Variants in HS3ST5 observed in about 807,000 individuals in gnomAD.
HS3ST5 encodes the protein heparan sulfate glucosamine 3-O-sulfotransferase 5.
Under a neutral mutation model 25.4 loss-of-function variants are expected in HS3ST5, and 10 were observed. That is an observed-to-expected ratio of 0.39 (90% CI 0.24 to 0.67). The LOEUF (loss-of-function observed/expected upper bound fraction) is 0.67, where lower values mean the gene tolerates loss of function less well. Ranked by LOEUF, HS3ST5 falls within the 30% of genes least tolerant of loss-of-function variation. HS3ST5 has a pLI of 0.44. For missense variants in HS3ST5, 324 were observed against 420.7 expected (o/e 0.77, Z 2.01); for synonymous variants, 170 against 162.4 (o/e 1.05, Z -0.36).
intron 1 of HS3ST5, among the ~76,000 whole-genome samples, chr6:114,298,578 C>T (rs1376559256): frequency 1.3e-5 from 2 of 152,192 alleles, no homozygotes; most frequent in African/African-American, 4.8e-5. Flanking sequence ...GTGTTAGAGT[C>T]AGGATTCAAC....
At chr6:114,115,770 G>T (rs945206521) in intron 3 of HS3ST5, among the ~76,000 whole-genome samples, 1 of 151,872 alleles carries the variant, frequency 6.6e-6, no homozygotes. Context: ...TATGATTGAC[G>T]GTGGTAAATG....
chr6:114,333,362 T>C (rs948146585), intron 1 of HS3ST5, among the ~76,000 whole-genome samples: 24 of 152,154 alleles, frequency 1.6e-4, no homozygotes, highest in African/African-American at 5.1e-4. Context: ...CAAAATAACA[T>C]AAAGTATTTG....
At chr6:114,338,305 C>CATTGTGTATATATATACATACAT (rs1776689429) in intron 1 of HS3ST5, among the ~76,000 whole-genome samples, 1 of 151,270 alleles carries the variant, frequency 6.6e-6, no homozygotes, top group African/African-American at 2.4e-5. Flanking sequence ...TATACATACA[C>CATTGTGTATATATATACATACAT]ATTGTGTATA....
intron 3 of HS3ST5, among the ~76,000 whole-genome samples, chr6:114,092,971 G>C (rs1775210004): frequency 6.6e-6 from 1 of 152,062 alleles, no homozygotes; most frequent in Non-Finnish European, 1.5e-5. Flanking sequence ...CACTGCACCT[G>C]GCCGATGTCA....
At chr6:114,202,122 A>T (rs922364444) in intron 2 of HS3ST5, among the ~76,000 whole-genome samples, 3 of 151,804 alleles carry the variant, frequency 2.0e-5, no homozygotes, top group Admixed American at 1.3e-4. Flanking sequence ...AAAAAAGTTT[A>T]AAAAAAAATT....
rs571218836 is a variant in HS3ST5 at position 114,103,574 on chromosome 6, C to T, written c.-32-40697G>A. Among the ~76,000 whole-genome samples, 178 of 151,902 alleles carry T rather than the reference C, an allele frequency of 1.2e-3. 1 individual carries two copies. Among genetic ancestry groups the T allele is most frequent in the Non-Finnish European group, 1.1e-3 (78 of 67,940 alleles). On this transcript the variant is annotated intron_variant, in intron 3 of 4. Coordinates refer to ENST00000312719, the MANE Select transcript of HS3ST5 (RefSeq NM_153612.4). ...TGATTGACTATATTCCTTTCTTTCT[C>T]TTTCTTTTTTTAAATTAATTTTTTT...
intron 3 of HS3ST5, among the ~76,000 whole-genome samples, chr6:114,130,935 G>T (rs764827393): frequency 5.9e-5 from 9 of 152,178 alleles, no homozygotes; most frequent in Non-Finnish European, 8.8e-5. Context: ...TAGCTACTCA[G>T]GAGGTTGAGG....
intron 3 of HS3ST5, chr6:114,084,282 A>ATTG: frequency 2.5e-6 from 2 of 807,184 alleles, no homozygotes; most frequent in Non-Finnish European, 4.4e-6. Flanking sequence ...ACTGCTGAAT[A>ATTG]GTCACAGAGG....
intron 2 of HS3ST5, among the ~76,000 whole-genome samples, chr6:114,221,808 C>T (rs1475486840): frequency 6.6e-6 from 1 of 151,664 alleles, no homozygotes; most frequent in Admixed American, 6.6e-5. Context: ...TTAGGCTTTG[C>T]TTAACATCAC....
intron 3 of HS3ST5, among the ~76,000 whole-genome samples, chr6:114,067,357 T>C (rs1194110061): frequency 1.3e-5 from 2 of 152,078 alleles, no homozygotes; most frequent in African/African-American, 4.8e-5. Flanking sequence ...ATGGTTAAAC[T>C]GTTTAAGTTT....
intron 3 of HS3ST5, chr6:114,084,837 T>TTC: frequency 1.8e-6 from 1 of 566,150 alleles, no homozygotes; most frequent in South Asian, 2.0e-5. Flanking sequence ...TCTTTTCTTT[T>TTC]TTTTTTTTTT....
chr6:114,065,900 C>T (rs567737688), intron 3 of HS3ST5, among the ~76,000 whole-genome samples: 1 of 152,228 alleles, frequency 6.6e-6, no homozygotes, highest in South Asian at 2.1e-4. Context: ...CTGCTTAAAA[C>T]TGTACTGCAC....
At chr6:114,212,947 A>C (rs1416167561) in intron 2 of HS3ST5, among the ~76,000 whole-genome samples, 2 of 152,200 alleles carry the variant, frequency 1.3e-5, no homozygotes, top group Non-Finnish European at 1.5e-5. Context: ...TGCTGTCTGC[A>C]AATGGCTTAA....
At chr6:114,195,108 G>A (rs1014165232) in intron 2 of HS3ST5, among the ~76,000 whole-genome samples, 1 of 152,178 alleles carries the variant, frequency 6.6e-6, no homozygotes, top group Non-Finnish European at 1.5e-5. Context: ...TTACCCGAGA[G>A]TTTCAAGTCA....
At chr6:114,308,459 C>A (rs540933427) in intron 1 of HS3ST5, among the ~76,000 whole-genome samples, 3 of 152,020 alleles carry the variant, frequency 2.0e-5, no homozygotes, top group South Asian at 2.1e-4. Flanking sequence ...TGGTGGCAGG[C>A]GCCTGTAGTC....
At chr6:114,215,601 T>C (rs577613807) in intron 2 of HS3ST5, among the ~76,000 whole-genome samples, 1 of 152,220 alleles carries the variant, frequency 6.6e-6, no homozygotes, top group South Asian at 2.1e-4. Flanking sequence ...TTTTGCCTTT[T>C]GTATGTTGTC....
At chr6:114,160,530 T>C (rs993244008) in intron 3 of HS3ST5, among the ~76,000 whole-genome samples, 1 of 152,112 alleles carries the variant, frequency 6.6e-6, no homozygotes, top group Non-Finnish European at 1.5e-5. Context: ...GAAGTAACTA[T>C]ATATTAAATC....
intron 3 of HS3ST5, among the ~76,000 whole-genome samples, chr6:114,082,065 G>A (rs938595546): frequency 3.3e-5 from 5 of 151,890 alleles, no homozygotes; most frequent in Admixed American, 6.6e-5. Flanking sequence ...AATTTCTGTC[G>A]CACTATTCCT....
chr6:114,126,976 T>G (rs1431909236), intron 3 of HS3ST5, among the ~76,000 whole-genome samples: 1 of 152,206 alleles, frequency 6.6e-6, no homozygotes, highest in Non-Finnish European at 1.5e-5. Context: ...CTAGGCTTTC[T>G]CATAGGTAAG....
Sources: gnomAD v4.1 joint callset for allele counts (sites outside exome capture counted in the v4.1 genomes callset) on GRCh38, gnomAD v4.1.1 for gene constraint, MANE v1.5 for transcripts, NCBI Gene and HGNC (gene_info 2026-07-23, HGNC 2026-07-21) for gene names.